Variants in OPCML observed in about 807,000 individuals in gnomAD.
The protein encoded by OPCML is opioid-binding protein/cell adhesion molecule.
Under a neutral mutation model 37.8 loss-of-function variants are expected in OPCML, and 13 were observed. The observed-to-expected ratio is 0.34, with a 90% CI of 0.22 to 0.55. The LOEUF (loss-of-function observed/expected upper bound fraction) is 0.55. Ranked by LOEUF, OPCML falls within the 20% of genes least tolerant of loss-of-function variation. The probability of loss-of-function intolerance (pLI) is 0.91; values close to 1 mark genes in which losing one functional copy is unlikely to be tolerated. For synonymous variants in OPCML, 176 were observed against 168.8 expected (o/e 1.04, Z -0.33); for missense variants, 341 against 435.6 (o/e 0.78, Z 1.93).
chr11:132,790,594 G>A (rs993964056), intron 2 of OPCML, among the ~76,000 whole-genome samples: 4 of 152,306 alleles, frequency 2.6e-5, no homozygotes, highest in African/African-American at 4.8e-5. Context: ...ACTGAGCAGC[G>A]AGTGATTGTC....
intron 1 of OPCML, among the ~76,000 whole-genome samples, chr11:133,214,426 G>C (rs1021224272): frequency 4.6e-5 from 7 of 152,196 alleles, no homozygotes; most frequent in African/African-American, 1.7e-4. Flanking sequence ...ACTAGGGACA[G>C]TTAAATCTGC....
At chr11:132,502,422 G>A (rs1176959971) in intron 4 of OPCML, among the ~76,000 whole-genome samples, 1 of 152,140 alleles carries the variant, frequency 6.6e-6, no homozygotes, top group Non-Finnish European at 1.5e-5. Flanking sequence ...TCCCATCACA[G>A]TTCCTTCTGT....
chr11:132,960,827 T>C (rs1368858903), intron 1 of OPCML, among the ~76,000 whole-genome samples: 1 of 152,172 alleles, frequency 6.6e-6, no homozygotes. Context: ...CATCTTTGTG[T>C]ATGCAATCAA....
At position 132,727,965 on chromosome 11, in the gene OPCML, G is replaced by C. The variant is rs1195083990; in HGVS notation, c.147-70646C>G. Among the ~76,000 whole-genome samples the C allele has an allele frequency of 2.0e-5, 3 of 152,326 alleles. No individual in the cohort carries two copies. In the East Asian group the frequency reaches 5.8e-4, roughly 29 times the overall value. ...CGGGTAAGCTGGGACAGATCTGAAG[G>C]GCAGTGGGGTTTGTCCTTCAGAAGT... is the stretch of plus-strand genomic sequence containing the variant. On this transcript the variant is annotated intron_variant, in intron 2 of 7. Coordinates refer to ENST00000524381, the MANE Select transcript of OPCML (RefSeq NM_001012393.5).
intron 2 of OPCML, among the ~76,000 whole-genome samples, chr11:132,883,603 T>C (rs1943300988): frequency 6.6e-6 from 1 of 152,172 alleles, no homozygotes; most frequent in Non-Finnish European, 1.5e-5. Flanking sequence ...AGGAATACTG[T>C]TAGCGTTTTG....
chr11:133,030,190 G>A (rs1947640598), intron 1 of OPCML, among the ~76,000 whole-genome samples: 1 of 152,170 alleles, frequency 6.6e-6, no homozygotes, highest in South Asian at 2.1e-4. Context: ...GCAAAACCAA[G>A]TCTCCTAACC....
chr11:132,811,502 A>C (rs921252781), intron 2 of OPCML, among the ~76,000 whole-genome samples: 2 of 152,188 alleles, frequency 1.3e-5, no homozygotes, highest in Non-Finnish European at 2.9e-5. Context: ...GGCCCCGGGA[A>C]AGTGGCTGTT....
At chr11:133,483,071 C>G (rs1947413135) in intron 1 of OPCML, among the ~76,000 whole-genome samples, 1 of 151,684 alleles carries the variant, frequency 6.6e-6, no homozygotes, top group Non-Finnish European at 1.5e-5. Flanking sequence ...AGACAATAAC[C>G]TCAATAAAAA....
At chr11:132,628,389 T>C (rs11223158) in intron 3 of OPCML, among the ~76,000 whole-genome samples, 43,300 of 152,216 alleles carry the variant, frequency 0.28, 7,600 homozygotes, top group Non-Finnish European at 0.4. Flanking sequence ...GAATTGTTTC[T>C]GTTGACATGT....
At chr11:133,489,627 G>A (rs4937778) in intron 1 of OPCML, among the ~76,000 whole-genome samples, 47,275 of 151,894 alleles carry the variant, frequency 0.31, 8,749 homozygotes, top group African/African-American at 0.51. Flanking sequence ...CACTGTTGGC[G>A]GAATGTAAAT....
In OPCML at chr11:132,697,549, C is replaced by T. The variant is rs146247409; in HGVS notation, c.147-40230G>A. On this transcript the variant is annotated intron_variant, in intron 2 of 7. Coordinates refer to ENST00000524381, the MANE Select transcript of OPCML (RefSeq NM_001012393.5). ...ATGCAAAATTTTGTCTTCCTATGCCCGCTTTGTTTTACTTGGAATAATGCC... is the reference window on the plus strand; with the variant it reads ...ATGCAAAATTTTGTCTTCCTATGCCTGCTTTGTTTTACTTGGAATAATGCC... Among the ~76,000 whole-genome samples, 12 of 152,130 alleles carry T rather than the reference C, an allele frequency of 7.9e-5. 1 individual carries two copies. Among genetic ancestry groups the T allele is most frequent in the Admixed American group, 3.3e-4 (5 of 15,270 alleles).
chr11:132,921,205 A>G (rs915360229), intron 2 of OPCML, among the ~76,000 whole-genome samples: 3 of 152,154 alleles, frequency 2.0e-5, no homozygotes, highest in African/African-American at 7.2e-5. Flanking sequence ...TTTTCTTAAG[A>G]CACAGATTGC....
intron 4 of OPCML, among the ~76,000 whole-genome samples, chr11:132,520,201 T>C (rs1185881957): frequency 6.6e-6 from 1 of 152,178 alleles, no homozygotes; most frequent in Non-Finnish European, 1.5e-5. Flanking sequence ...CAAGCAGAAT[T>C]TGATTCAATA....
chr11:133,307,340 G>A (rs946064387), intron 1 of OPCML, among the ~76,000 whole-genome samples: 1 of 152,074 alleles, frequency 6.6e-6, no homozygotes, highest in Non-Finnish European at 1.5e-5. Flanking sequence ...TTATGTAGCT[G>A]GTCATGCATA....
intron 1 of OPCML, among the ~76,000 whole-genome samples, chr11:133,394,403 C>A (rs1427638651): frequency 1.3e-5 from 2 of 152,140 alleles, no homozygotes; most frequent in African/African-American, 2.4e-5. Flanking sequence ...CTTTGTGTTA[C>A]AAATAATCCA....
In OPCML at chr11:132,936,505, T is replaced by C. The variant is rs530245620; in HGVS notation, c.146+6421A>G. ...AACCATGTACAATAGGAGCTTTTGTTTGTTTCACTAGCATCGGCATGTCCC... is the reference window on the plus strand; with the variant it reads ...AACCATGTACAATAGGAGCTTTTGTCTGTTTCACTAGCATCGGCATGTCCC... On this transcript the variant is annotated intron_variant, in intron 2 of 7. Coordinates refer to ENST00000524381, the MANE Select transcript of OPCML (RefSeq NM_001012393.5). Among the ~76,000 whole-genome samples, 36 of 152,234 alleles carry C rather than the reference T, an allele frequency of 2.4e-4. No individual in the cohort carries two copies. The South Asian group carries it at 6.0e-3, about 25-fold the overall frequency.
intron 1 of OPCML, among the ~76,000 whole-genome samples, chr11:133,019,489 G>A (rs961698165): frequency 6.6e-5 from 10 of 152,142 alleles, no homozygotes; most frequent in African/African-American, 2.4e-4. Context: ...GCAGCTGCCA[G>A]GCAGAAAGAC....
At chr11:132,923,299 G>C (rs73024206) in intron 2 of OPCML, among the ~76,000 whole-genome samples, 1 of 152,002 alleles carries the variant, frequency 6.6e-6, no homozygotes, top group African/African-American at 2.4e-5. Flanking sequence ...CCAGACTCAT[G>C]GATTTGTACC....
intron 2 of OPCML, among the ~76,000 whole-genome samples, chr11:132,778,752 T>A (rs1002269957): frequency 2.0e-5 from 3 of 151,998 alleles, no homozygotes; most frequent in African/African-American, 7.3e-5. Flanking sequence ...AATGAGAAAA[T>A]CAAGGCCTAT....
Sources: allele counts gnomAD v4.1 joint callset (sites outside exome capture counted in the v4.1 genomes callset), GRCh38; gene constraint gnomAD v4.1.1; transcripts MANE v1.5; gene names NCBI Gene and HGNC (gene_info 2026-07-23, HGNC 2026-07-21).